The following TRMT11 variants were observed in gnomAD, a reference collection of about 807,000 sequenced individuals.
The protein encoded by TRMT11 is tRNA (guanine(10)-N(2))-methyltransferase TRMT11.
Under a neutral mutation model 62.8 loss-of-function variants are expected in TRMT11, and 53 were observed. The ratio of observed to expected loss-of-function variants is 0.84; its 90% CI spans 0.68 to 1.06. TRMT11 has a LOEUF of 1.06. Among genes scored for constraint, TRMT11 ranks in the 50% least tolerant of loss-of-function variants. TRMT11 has a pLI of 0.00. For missense variants in TRMT11, 556 were observed against 553.4 expected, an observed-to-expected ratio of 1.00 and a Z score of -0.05; for synonymous variants, 188 against 190.3, an observed-to-expected ratio of 0.99 and a Z score of 0.10.
intron 21 of TRMT11, among the ~76,000 whole-genome samples, chr6:126,151,107 C>T (rs1778032893): frequency 6.6e-6 from 1 of 152,156 alleles, no homozygotes; most frequent in African/African-American, 2.4e-5. Context: ...ACTTTTCCTT[C>T]TGGCATTTGC....
At chr6:126,073,472 A>T (rs537047401) in intron 17 of TRMT11, among the ~76,000 whole-genome samples, 2 of 152,176 alleles carry the variant, frequency 1.3e-5, no homozygotes, top group East Asian at 3.9e-4. Context: ...TTTTAACTTA[A>T]TGGAGTCCGT....
chr6:125,989,431 A>G (rs1790248377), intron 1 of TRMT11, among the ~76,000 whole-genome samples: 1 of 152,082 alleles, frequency 6.6e-6, no homozygotes. Context: ...TTGGATTTTT[A>G]GATATAATGG....
chr6:126,260,001 G>T, the TRMT11 span, among the ~76,000 whole-genome samples: 2 of 151,848 alleles, frequency 1.3e-5, no homozygotes. Context: ...GTTGGGTCTA[G>T]TTTTTTTTAT....
chr6:126,042,586 A>G (rs182177472), downstream of TRMT11, among the ~76,000 whole-genome samples: 132 of 152,312 alleles, frequency 8.7e-4, no homozygotes, highest in East Asian at 4.6e-3. Flanking sequence ...TAAGATAATC[A>G]TGTTGCAGTC....
chr6:126,231,987 G>A, the TRMT11 span, among the ~76,000 whole-genome samples: 2 of 152,134 alleles, frequency 1.3e-5, no homozygotes, highest in African/African-American at 4.8e-5. Context: ...ACTTTAGTTA[G>A]TGATTTTCTG....
At chr6:126,151,839 TTTCTTTCTTTC>T (rs1778050970) in intron 21 of TRMT11, among the ~76,000 whole-genome samples, 1 of 146,096 alleles carries the variant, frequency 6.8e-6, no homozygotes, top group Non-Finnish European at 1.5e-5. Flanking sequence ...TCTTTCTTTC[TTTCTTTCTTTC>T]TTTCTTTCTT....
chr6:126,248,453 A>C, the TRMT11 span, among the ~76,000 whole-genome samples: 2 of 152,122 alleles, frequency 1.3e-5, no homozygotes, highest in Admixed American at 1.3e-4. Flanking sequence ...TTTTGAAATA[A>C]AGATAATTTA....
At chr6:126,010,386 C>G (rs1793997982) in intron 8 of TRMT11, among the ~76,000 whole-genome samples, 1 of 151,976 alleles carries the variant, frequency 6.6e-6, no homozygotes, top group African/African-American at 2.4e-5. Context: ...AGGCGTCTAC[C>G]TATCTTTGAG....
At chr6:126,183,537 T>C (rs1010210372) in intron 1 of TRMT11, among the ~76,000 whole-genome samples, 1 of 152,142 alleles carries the variant, frequency 6.6e-6, no homozygotes, top group African/African-American at 2.4e-5. Flanking sequence ...ATTAGCCTAC[T>C]TGGGCAGTTT....
intron 3 of TRMT11, among the ~76,000 whole-genome samples, chr6:126,201,447 A>G (rs1164468377): frequency 2.6e-5 from 4 of 152,308 alleles, no homozygotes; most frequent in African/African-American, 9.6e-5. Flanking sequence ...CATACTCCAT[A>G]TGGGACCATT....
chr6:126,037,249 T>A (rs949167428), intron 12 of TRMT11, among the ~76,000 whole-genome samples: 2 of 152,130 alleles, frequency 1.3e-5, no homozygotes, highest in African/African-American at 4.8e-5. Context: ...ATCTTGGACC[T>A]GTACTCTTAA....
intron 12 of TRMT11, among the ~76,000 whole-genome samples, chr6:126,022,763 A>C (rs1461639984): frequency 2.0e-5 from 3 of 152,256 alleles, no homozygotes; most frequent in Non-Finnish European, 4.4e-5. Flanking sequence ...CTATATAAGT[A>C]GTTGATTGGT....
intron 12 of TRMT11, among the ~76,000 whole-genome samples, chr6:126,029,781 T>C (rs1331761850): frequency 6.6e-6 from 1 of 152,222 alleles, no homozygotes; most frequent in Admixed American, 6.5e-5. Context: ...TCTTTTATCA[T>C]TTAAGATAAA....
rs557494817 is a variant in TRMT11, at chr6:126,180,873, C to T, written n.143+3538C>T. Among the ~76,000 whole-genome samples, 9 of 152,296 alleles carry T rather than the reference C, an allele frequency of 5.9e-5. No homozygotes were observed. In the East Asian group the frequency reaches 1.4e-3, roughly 23 times the overall value. On this transcript the variant is annotated intron_variant and non_coding_transcript_variant, in intron 1 of 3. Coordinates refer to the TRMT11 transcript ENST00000444229. ...TGATGACAAAGCCCAACTAATTACA[C>T]AACTTAATTTAATAGTTTAAAGCGC...
chr6:125,992,732 T>A (rs1790824946), intron 1 of TRMT11, among the ~76,000 whole-genome samples: 1 of 152,214 alleles, frequency 6.6e-6, no homozygotes, highest in Admixed American at 6.5e-5. Flanking sequence ...AATTTCTAAG[T>A]CTCATGATGT....
chr6:126,266,367 A>G, the TRMT11 span, among the ~76,000 whole-genome samples: 11 of 152,300 alleles, frequency 7.2e-5, no homozygotes, highest in Admixed American at 2.6e-4. Flanking sequence ...AGAGCTTTCT[A>G]CGGTAACCAC....
intron 2 of TRMT11, among the ~76,000 whole-genome samples, chr6:125,995,243 A>G (rs1329521470): frequency 1.3e-5 from 2 of 152,196 alleles, no homozygotes; most frequent in African/African-American, 2.4e-5. Flanking sequence ...TTATTCCTGA[A>G]TGACTTTCAC....
the TRMT11 span, among the ~76,000 whole-genome samples, chr6:126,223,378 G>A: frequency 2.2e-4 from 33 of 152,116 alleles, no homozygotes; most frequent in African/African-American, 7.0e-4. Flanking sequence ...CCAAGATCGC[G>A]TCACTGCACT....
intron 17 of TRMT11, among the ~76,000 whole-genome samples, chr6:126,111,368 T>C (rs950737680): frequency 6.6e-6 from 1 of 152,064 alleles, no homozygotes; most frequent in South Asian, 2.1e-4. Context: ...CAGAGTAAGT[T>C]TTTTCCCTCC....
Sources: allele counts gnomAD v4.1 joint callset (sites outside exome capture counted in the v4.1 genomes callset), GRCh38; gene constraint gnomAD v4.1.1; transcripts MANE v1.5; gene names NCBI Gene and HGNC (gene_info 2026-07-23, HGNC 2026-07-21).